Variants in DNER observed in about 807,000 individuals in gnomAD.
The protein encoded by DNER is delta/notch like EGF repeat containing, also known as delta and Notch-like epidermal growth factor-related receptor.
DNER carries 33 observed loss-of-function variants against 78.2 expected under a neutral mutation model. The observed-to-expected ratio is 0.42, with a 90% confidence interval of 0.32 to 0.56. DNER has a LOEUF of 0.56. Ranked by LOEUF, DNER falls within the 20% of genes least tolerant of loss-of-function variation. The probability of loss-of-function intolerance (pLI) is 0.11; values close to 1 mark genes in which losing one functional copy is unlikely to be tolerated. For synonymous variants in DNER, 417 were observed against 384.8 expected (o/e 1.08, Z -0.98); for missense variants, 918 against 975.3 (o/e 0.94, Z 0.78).
intron 1 of DNER, among the ~76,000 whole-genome samples, chr2:229,694,695 G>A (rs1699634937): frequency 6.6e-6 from 1 of 152,204 alleles, no homozygotes; most frequent in Non-Finnish European, 1.5e-5. Flanking sequence ...TTTGGAACAG[G>A]TGTATTTACC....
At chr2:229,661,924 CA>C (rs933787560) in intron 1 of DNER, among the ~76,000 whole-genome samples, 1 of 152,030 alleles carries the variant, frequency 6.6e-6, no homozygotes, top group Non-Finnish European at 1.5e-5. Flanking sequence ...CTCTTGATGC[CA>C]ATATCAAGAG....
intron 5 of DNER, among the ~76,000 whole-genome samples, chr2:229,515,270 C>CGAAAAAA (rs1695947256): frequency 6.6e-6 from 1 of 152,160 alleles, no homozygotes; most frequent in African/African-American, 2.4e-5. Context: ...CTTCTAAGGA[C>CGAAAAAA]AATCTTGTCC....
intron 1 of DNER, among the ~76,000 whole-genome samples, chr2:229,647,244 C>T (rs575949368): frequency 9.2e-5 from 14 of 152,138 alleles, no homozygotes; most frequent in African/African-American, 2.4e-4. Flanking sequence ...AAGGAGGTGA[C>T]GTGGGAGGAG....
chr2:229,512,675 A>G (rs1473526240), intron 6 of DNER, 108 bp downstream of exon 6: 3 of 1,460,014 alleles, frequency 2.1e-6, no homozygotes, highest in African/African-American at 2.8e-5. Flanking sequence ...GAACTTACTC[A>G]TGTAACCAAG....
At chr2:229,562,936 C>T (rs539862648) in intron 4 of DNER, among the ~76,000 whole-genome samples, 2 of 151,724 alleles carry the variant, frequency 1.3e-5, no homozygotes, top group African/African-American at 4.9e-5. Flanking sequence ...TCACCATCAT[C>T]ATCAACATCA....
intron 4 of DNER, among the ~76,000 whole-genome samples, chr2:229,548,920 T>TA (rs1696676913): frequency 1.3e-5 from 2 of 152,084 alleles, no homozygotes; most frequent in African/African-American, 4.8e-5. Context: ...ATAGCTACCA[T>TA]AAAAAAAGAC....
At chr2:229,594,673 T>C (rs13410334) in intron 1 of DNER, among the ~76,000 whole-genome samples, 131,501 of 151,884 alleles carry the variant, frequency 0.87, 58,356 homozygotes, top group East Asian at 0.96. Context: ...TAGGAGACCA[T>C]GTCTTCTGAT....
chr2:229,602,818 A>G (rs968918967), intron 1 of DNER, among the ~76,000 whole-genome samples: 3 of 152,234 alleles, frequency 2.0e-5, no homozygotes, highest in African/African-American at 7.2e-5. Flanking sequence ...AAAACTTGAT[A>G]TTAGAAAGAC....
chr2:229,672,158 C>G (rs1244398906), intron 1 of DNER, among the ~76,000 whole-genome samples: 1 of 152,176 alleles, frequency 6.6e-6, no homozygotes, highest in Non-Finnish European at 1.5e-5. Context: ...GCAGGAATAG[C>G]TCATCTCTCC....
At chr2:229,711,129 T>C (rs970381204) in intron 1 of DNER, among the ~76,000 whole-genome samples, 1 of 151,984 alleles carries the variant, frequency 6.6e-6, no homozygotes. Context: ...GACTGGCTTG[T>C]GGGTTTTGCT....
At chr2:229,411,756 A>G (rs1216334688) in intron 9 of DNER, among the ~76,000 whole-genome samples, 1 of 152,196 alleles carries the variant, frequency 6.6e-6, no homozygotes, top group African/African-American at 2.4e-5. Context: ...GAACATTACA[A>G]AGCCATTTAA....
chr2:229,617,772 G>A (rs1698191238), intron 1 of DNER, among the ~76,000 whole-genome samples: 1 of 151,834 alleles, frequency 6.6e-6, no homozygotes, highest in Non-Finnish European at 1.5e-5. Context: ...TGAGCAACAT[G>A]GCAAACCCCA....
intron 1 of DNER, among the ~76,000 whole-genome samples, chr2:229,646,573 C>T (rs780092884): frequency 1.3e-5 from 2 of 152,350 alleles, no homozygotes; most frequent in East Asian, 3.8e-4. Flanking sequence ...ATGAACTAAA[C>T]TTCTGACAGA....
rs1246012206 is a variant in DNER at position 229,407,251 on chromosome 2, G to T, written c.1704C>A (p.Ile568=). Residue 568 remains isoleucine (I), a synonymous_variant, in exon 10 of 13, where the codon ATC becomes ATA. Transcript: ENST00000341772. ...ACTTGCCTGTAAACCCGGGTGCACA[G>T]ATGCACGTGCCATTCAGGCCGTCGC... is the stretch of plus-strand genomic sequence containing the variant. ...CDSDGLNGTC[I]CAPGFTGEEC... The T allele has an allele frequency of 6.2e-7, 1 of 1,613,158 alleles. No individual in the cohort carries two copies. Among genetic ancestry groups the T allele is most frequent in the Non-Finnish European group, 8.5e-7 (1 of 1,179,174 alleles).
chr2:229,548,125 A>G (rs886840379), intron 4 of DNER, among the ~76,000 whole-genome samples: 2 of 152,246 alleles, frequency 1.3e-5, no homozygotes, highest in East Asian at 3.8e-4. Flanking sequence ...AAGATTTGTA[A>G]GACCAAGGGG....
intron 1 of DNER, among the ~76,000 whole-genome samples, chr2:229,707,722 T>C (rs1336615670): frequency 2.0e-5 from 3 of 152,254 alleles, no homozygotes; most frequent in Non-Finnish European, 4.4e-5. Context: ...TGGTGATTAT[T>C]GACTGAAGGT....
chr2:229,477,298 A>C (rs1418049870), intron 6 of DNER, 45 bp from the exon 7 acceptor site: 2 of 1,458,840 alleles, frequency 1.4e-6, no homozygotes, highest in East Asian at 2.3e-5. Flanking sequence ...GCTCTTCCAG[A>C]CCCACCATGA....
chr2:229,429,321 A>G (rs554812238), intron 8 of DNER, among the ~76,000 whole-genome samples: 58 of 152,366 alleles, frequency 3.8e-4, no homozygotes, highest in African/African-American at 1.4e-3. Context: ...ACCATCAGGC[A>G]TACAGTTGCA....
chr2:229,468,460 A>G (rs1241594861), intron 7 of DNER, among the ~76,000 whole-genome samples: 1 of 152,102 alleles, frequency 6.6e-6, no homozygotes, highest in Non-Finnish European at 1.5e-5. Context: ...ATCAGCTGAC[A>G]CCATCCAGAC....
Sources: gnomAD v4.1 joint callset for allele counts (sites outside exome capture counted in the v4.1 genomes callset) on GRCh38, gnomAD v4.1.1 for gene constraint, MANE v1.5 for transcripts, NCBI Gene and HGNC (gene_info 2026-07-23, HGNC 2026-07-21) for gene names.